PTCHD4: variants seen among roughly 807,000 people sequenced by gnomAD.
The protein encoded by PTCHD4 is patched domain-containing protein 4.
A neutral mutation model predicts 58.1 loss-of-function variants in PTCHD4; 33 were observed. That is an observed-to-expected ratio of 0.57 (90% CI 0.43 to 0.76). PTCHD4 has a LOEUF of 0.76. Ranked by LOEUF, PTCHD4 falls within the 30% of genes least tolerant of loss-of-function variation. PTCHD4 has a pLI of 0.00. For missense variants in PTCHD4, 1,058 were observed against 1,027.1 expected (o/e 1.03, Z -0.41); for synonymous variants, 478 against 409.6 (o/e 1.17, Z -2.02).
At chr6:48,020,408 G>A (rs1183383899) in intron 3 of PTCHD4, among the ~76,000 whole-genome samples, 1 of 152,026 alleles carries the variant, frequency 6.6e-6, no homozygotes, top group Non-Finnish European at 1.5e-5. Context: ...AATTATGAAA[G>A]TTGTTAAAAG....
chr6:48,018,617 G>A (rs935928379), intron 3 of PTCHD4, among the ~76,000 whole-genome samples: 3 of 152,184 alleles, frequency 2.0e-5, no homozygotes, highest in Non-Finnish European at 4.4e-5. Context: ...TAGCCCAGAT[G>A]AATTAAATTA....
At chr6:48,044,024 A>C (rs1017983696) in intron 3 of PTCHD4, among the ~76,000 whole-genome samples, 4 of 151,882 alleles carry the variant, frequency 2.6e-5, no homozygotes, top group Non-Finnish European at 4.4e-5. Context: ...TGTTTTTCCC[A>C]ATTGATCCTC....
Position 48,068,388 on chromosome 6 carries a change from T to G in PTCHD4, c.259A>C (p.Ser87Arg), listed in dbSNP as rs973338080. Residue 87 changes from serine to arginine, a missense_variant, in exon 3 of 5, where the codon AGC (serine) becomes CGC (arginine). By Grantham distance (110) the Ser-to-Arg change is moderately radical. Transcript: ENST00000339488. The surrounding 1 kb of genome is among the most constrained non-coding windows in gnomAD (Gnocchi z 4.2). ...TTGGACTGGTCCAGGGGGAAAAGGC[T>G]GCTGGCCAGGCTGCGCTCGATCTTG... ...LAKIERSLAS[S>R]LFPLDQSKSQ... 6.2e-7 allele frequency: 1 copy of G among 1,613,846 alleles called. No homozygotes were observed. The highest frequency in any genetic ancestry group is 1.7e-5 in the Admixed American group (1 of 60,004).
At chr6:48,029,024 GACT>G (rs1175586637) in intron 3 of PTCHD4, among the ~76,000 whole-genome samples, 6 of 152,000 alleles carry the variant, frequency 3.9e-5, no homozygotes, top group Admixed American at 3.9e-4. Flanking sequence ...ATGTTTGTAT[GACT>G]ACATGTTATT....
rs1218491784 is a variant in PTCHD4, at chr6:48,069,729, T to A, written c.-772A>T. On this transcript the variant is annotated 5_prime_UTR_variant, in exon 2 of 5. An upstream start codon of the reference 5' UTR is lost. Transcript: ENST00000339488. ...TCTACAGGCAATATGAGGTTTCTCA[T>A]AACATGTTACATTCACTTTCTGTAT... 6.6e-6 allele frequency among the ~76,000 whole-genome samples: 1 copy of A among 152,144 alleles called. No individual in the cohort carries two copies. Among genetic ancestry groups the A allele is most frequent in the African/African-American group, 2.4e-5 (1 of 41,420 alleles).
intron 4 of PTCHD4, among the ~76,000 whole-genome samples, chr6:47,924,947 T>C (rs1229813815): frequency 6.8e-6 from 1 of 146,432 alleles, no homozygotes; most frequent in African/African-American, 2.6e-5. Context: ...AGACATTTTA[T>C]ATATAAAAAA....
At chr6:48,046,181 T>G (rs572989703) in intron 3 of PTCHD4, among the ~76,000 whole-genome samples, 33 of 152,006 alleles carry the variant, frequency 2.2e-4, no homozygotes, top group Admixed American at 9.9e-4. Context: ...TTAGCTAATT[T>G]TTAATGTCAT....
At chr6:48,016,514 C>T (rs1223293293) in intron 3 of PTCHD4, among the ~76,000 whole-genome samples, 5 of 151,892 alleles carry the variant, frequency 3.3e-5, no homozygotes, top group Non-Finnish European at 2.9e-5. Context: ...TCAGCTGAGG[C>T]AGTTTCTAGT....
At chr6:47,908,241 G>A (rs1764962069) in intron 4 of PTCHD4, among the ~76,000 whole-genome samples, 1 of 152,066 alleles carries the variant, frequency 6.6e-6, no homozygotes, top group African/African-American at 2.4e-5. Context: ...TCTATAACAT[G>A]GTCTTATAAC....
chr6:48,105,629 A>G (rs1765701780), intron 1 of PTCHD4, among the ~76,000 whole-genome samples: 1 of 152,210 alleles, frequency 6.6e-6, no homozygotes, highest in African/African-American at 2.4e-5. Flanking sequence ...TAGAGACAAA[A>G]AAAACCCTTC....
intron 4 of PTCHD4, among the ~76,000 whole-genome samples, chr6:47,974,032 C>G (rs114828179): frequency 2.0e-5 from 3 of 152,046 alleles, no homozygotes; most frequent in African/African-American, 7.3e-5. Flanking sequence ...TAGGTGACGA[C>G]GGGCAATACA....
chr6:48,061,536 C>T (rs1764625513), intron 3 of PTCHD4, among the ~76,000 whole-genome samples: 1 of 152,164 alleles, frequency 6.6e-6, no homozygotes, highest in African/African-American at 2.4e-5. Context: ...CTGAGCGTCT[C>T]TAACACAAAG....
chr6:47,895,230 A>C (rs1764498006), intron 4 of PTCHD4, among the ~76,000 whole-genome samples: 1 of 152,230 alleles, frequency 6.6e-6, no homozygotes, highest in African/African-American at 2.4e-5. Flanking sequence ...CCCCAGGGAA[A>C]GATGAGCTTG....
intron 4 of PTCHD4, among the ~76,000 whole-genome samples, chr6:47,989,708 G>C (rs1232270831): frequency 6.6e-6 from 1 of 152,244 alleles, no homozygotes; most frequent in Non-Finnish European, 1.5e-5. Context: ...TTCGGAAGAT[G>C]TATGGAAACA....
intron 4 of PTCHD4, among the ~76,000 whole-genome samples, chr6:47,930,709 G>A (rs1336848990): frequency 8.5e-5 from 13 of 152,150 alleles, no homozygotes; most frequent in African/African-American, 1.2e-4. Context: ...CATAGGCAAC[G>A]TCCAGGAAAT....
chr6:48,071,306 C>T (rs1582111343), intron 1 of PTCHD4, among the ~76,000 whole-genome samples: 1 of 152,064 alleles, frequency 6.6e-6, no homozygotes, highest in Non-Finnish European at 1.5e-5. Flanking sequence ...ATGGTATATA[C>T]CTGAGATGAA....
chr6:48,022,513 A>G (rs1315436486), intron 3 of PTCHD4, among the ~76,000 whole-genome samples: 1 of 152,142 alleles, frequency 6.6e-6, no homozygotes, highest in Non-Finnish European at 1.5e-5. Flanking sequence ...AGATATTAAA[A>G]TAATTGAAAG....
chr6:47,896,076 GGTTTTGGGGAGAAGTAGATGA>G (rs1363090072), intron 4 of PTCHD4, among the ~76,000 whole-genome samples: 1 of 152,192 alleles, frequency 6.6e-6, no homozygotes, highest in Non-Finnish European at 1.5e-5. Flanking sequence ...AGCAGACTGA[GGTTTTGGGGAGAAGTAGATGA>G]TAACCCCTGT....
intron 1 of PTCHD4, among the ~76,000 whole-genome samples, chr6:48,108,982 CATT>C (rs1334623965): frequency 1.3e-5 from 2 of 151,808 alleles, no homozygotes; most frequent in African/African-American, 4.8e-5. Context: ...AATAAGATAA[CATT>C]ATGTGCAAAT....
Sources: gnomAD v4.1 joint callset for allele counts (sites outside exome capture counted in the v4.1 genomes callset) on GRCh38, gnomAD v4.1.1 for gene constraint, Gnocchi (gnomAD v3.1) non-coding constraint, MANE v1.5 for transcripts, NCBI Gene and HGNC (gene_info 2026-07-23, HGNC 2026-07-21) for gene names.